The following UNC13B variants were observed in gnomAD, a reference collection of about 807,000 sequenced individuals.
UNC13B encodes unc-13 homolog B, also known as protein unc-13 homolog B.
Under a neutral mutation model 211.0 loss-of-function variants are expected in UNC13B, and 144 were observed. The ratio of observed to expected loss-of-function variants is 0.68; its 90% CI spans 0.60 to 0.78. The LOEUF (loss-of-function observed/expected upper bound fraction) is 0.78. UNC13B is among the 30% of genes least tolerant of loss of function. UNC13B has a pLI of 0.00. For missense variants in UNC13B, 1,777 were observed against 2,002.0 expected, an observed-to-expected ratio of 0.89 and a Z score of 2.14; for synonymous variants, 709 against 725.8, an observed-to-expected ratio of 0.98 and a Z score of 0.37.
intron 11 of UNC13B, among the ~76,000 whole-genome samples, chr9:35,348,393 G>A (rs1417777500): frequency 1.3e-5 from 2 of 152,244 alleles, no homozygotes; most frequent in African/African-American, 4.8e-5. Context: ...TGAATGAGGT[G>A]TTGGGAACTG....
chr9:35,163,721 C>T (rs540532697), intron 1 of UNC13B, among the ~76,000 whole-genome samples: 27 of 152,210 alleles, frequency 1.8e-4, no homozygotes, highest in Non-Finnish European at 2.5e-4. Context: ...TCCTATTTAA[C>T]TGAATTTATA....
At chr9:35,228,512 G>A (rs2131491130) in intron 2 of UNC13B, among the ~76,000 whole-genome samples, 1 of 151,712 alleles carries the variant, frequency 6.6e-6, no homozygotes, top group Middle Eastern at 3.4e-3. Flanking sequence ...ACAGGCCCCA[G>A]TGTGTAGTGG....
At chr9:35,174,438 C>T (rs1821506113) in intron 1 of UNC13B, among the ~76,000 whole-genome samples, 1 of 152,068 alleles carries the variant, frequency 6.6e-6, no homozygotes, top group Admixed American at 6.5e-5. Context: ...GATTCTCTTG[C>T]CTCAGACTCC....
At position 35,396,827 on chromosome 9, in the gene UNC13B, T is replaced by C. The variant is rs1248306181; in HGVS notation, c.11436-14T>C. On this transcript the variant is annotated splice_polypyrimidine_tract_variant and intron_variant, in intron 27 of 39. Coordinates refer to ENST00000635942, the MANE Select transcript of UNC13B (RefSeq NM_001371189.2). ...CGCTAGTTCTAAGCCCCTGTTCTCC[T>C]GCTGTGGCTGCAGGTGGTTTGAGCA... The C allele has an allele frequency of 6.2e-7, 1 of 1,614,154 alleles. No individual in the cohort carries two copies. Among genetic ancestry groups the C allele is most frequent in the Non-Finnish European group, 8.5e-7 (1 of 1,180,002 alleles).
intron 11 of UNC13B, among the ~76,000 whole-genome samples, chr9:35,332,740 C>G (rs1313854001): frequency 6.6e-6 from 1 of 152,158 alleles, no homozygotes; most frequent in Non-Finnish European, 1.5e-5. Flanking sequence ...ACTTGGATGT[C>G]ACATTCTTTG....
At chr9:35,322,812 C>T (rs1490745630) in intron 11 of UNC13B, among the ~76,000 whole-genome samples, 1 of 151,966 alleles carries the variant, frequency 6.6e-6, no homozygotes, top group African/African-American at 2.4e-5. Context: ...GGAATTTTTT[C>T]TGATCATGTC....
At chr9:35,270,906 C>T (rs1242529617) in intron 7 of UNC13B, among the ~76,000 whole-genome samples, 2 of 152,088 alleles carry the variant, frequency 1.3e-5, no homozygotes, top group African/African-American at 2.4e-5. Context: ...TCTGGGAGGC[C>T]GAGGCAGGTG....
chr9:35,250,957 C>T (rs1267082570), intron 6 of UNC13B, among the ~76,000 whole-genome samples: 4 of 77,076 alleles, frequency 5.2e-5, no homozygotes, highest in Admixed American at 5.0e-4. Flanking sequence ...GTTACTCTTC[C>T]TTTTTTTTTT....
intron 14 of UNC13B, 68 bp from the exon 15 acceptor site, chr9:35,375,960 A>G: frequency 6.5e-7 from 1 of 1,532,560 alleles, no homozygotes; most frequent in Non-Finnish European, 9.0e-7. Context: ...AGCCTGGGCA[A>G]CAGAGCAAGA....
intron 5 of UNC13B, among the ~76,000 whole-genome samples, chr9:35,240,444 C>T (rs1282056647): frequency 6.6e-6 from 1 of 152,116 alleles, no homozygotes; most frequent in Non-Finnish European, 1.5e-5. Context: ...CTCAGAACAA[C>T]TATTATTTCA....
In UNC13B at chr9:35,162,265, G is replaced by T. The variant is rs1312225502; in HGVS notation, c.-19G>T. The stretch of plus-strand genomic sequence containing the variant: ...CCGGCGCGGCTGGGGCGCGGCAGAG[G>T]CTTGCCCGATCCTCGGCCATGTCAC... On this transcript the variant is annotated 5_prime_UTR_variant, in exon 1 of 40. Coordinates refer to ENST00000635942, the MANE Select transcript of UNC13B (RefSeq NM_001371189.2). 2 of 1,541,300 alleles carry T rather than the reference G, an allele frequency of 1.3e-6. No homozygotes were observed. The highest frequency in any genetic ancestry group is 1.7e-6 in the Non-Finnish European group (2 of 1,147,430).
intron 7 of UNC13B, among the ~76,000 whole-genome samples, chr9:35,284,434 A>G (rs1291199269): frequency 6.6e-6 from 1 of 152,176 alleles, no homozygotes; most frequent in Admixed American, 6.5e-5. Context: ...TCTTTGACTT[A>G]TTAATATAAT....
Position 35,195,148 on chromosome 9 carries a change from G to C in UNC13B, c.22+32843G>C, listed in dbSNP as rs1822867708. The stretch of plus-strand genomic sequence containing the variant: ...TTGTCTGCTCCTTACTATACACATG[G>C]CTGACAGAGAAGGGAAGATGGAGCC... On this transcript the variant is annotated intron_variant, in intron 1 of 39. Transcript: ENST00000635942. Among the ~76,000 whole-genome samples the C allele has an allele frequency of 2.0e-5, 3 of 152,224 alleles. No individual in the cohort carries two copies. In the South Asian group the frequency reaches 6.2e-4, roughly 32 times the overall value.
chr9:35,267,309 A>G (rs1024403057), intron 7 of UNC13B, among the ~76,000 whole-genome samples: 1 of 152,214 alleles, frequency 6.6e-6, no homozygotes, highest in African/African-American at 2.4e-5. Context: ...TTGGGCAGGA[A>G]TAAGAAATGT....
chr9:35,269,794 G>A (rs1347096942), intron 7 of UNC13B, among the ~76,000 whole-genome samples: 1 of 152,162 alleles, frequency 6.6e-6, no homozygotes, highest in Non-Finnish European at 1.5e-5. Flanking sequence ...TTCTTATTGT[G>A]TCACACTGTT....
chr9:35,320,626 C>A (rs779565782), intron 11 of UNC13B, among the ~76,000 whole-genome samples: 2 of 152,196 alleles, frequency 1.3e-5, no homozygotes, highest in Admixed American at 1.3e-4. Context: ...ATTCACTTAG[C>A]TAACTTTTCA....
At chr9:35,338,692 C>G (rs1023201780) in intron 11 of UNC13B, among the ~76,000 whole-genome samples, 1 of 152,186 alleles carries the variant, frequency 6.6e-6, no homozygotes, top group African/African-American at 2.4e-5. Context: ...CAAGCTGACT[C>G]TTGCATGATA....
intron 5 of UNC13B, 100 bp from the exon 6 acceptor site, chr9:35,243,191 C>A: frequency 8.4e-7 from 1 of 1,196,140 alleles, no homozygotes; most frequent in Non-Finnish European, 1.2e-6. Flanking sequence ...TCACTACCAC[C>A]TTCTGACTTC....
intron 6 of UNC13B, among the ~76,000 whole-genome samples, chr9:35,245,497 C>T (rs550948742): frequency 8.4e-6 from 1 of 118,644 alleles, no homozygotes; most frequent in African/African-American, 3.1e-5. Context: ...ATCCCTCCCC[C>T]CCTCCCCCCA....
Sources: allele counts gnomAD v4.1 joint callset (sites outside exome capture counted in the v4.1 genomes callset), GRCh38; gene constraint gnomAD v4.1.1; transcripts MANE v1.5; gene names NCBI Gene and HGNC (gene_info 2026-07-23, HGNC 2026-07-21).